Variants in DCTN4 observed in about 807,000 individuals in gnomAD.
DCTN4 encodes dynactin 4 (p62).
Under a neutral mutation model 62.7 loss-of-function variants are expected in DCTN4, and 23 were observed. The observed-to-expected ratio is 0.37, with a 90% confidence interval of 0.26 to 0.52. The LOEUF (loss-of-function observed/expected upper bound fraction) is 0.52. Ranked by LOEUF, DCTN4 falls within the 20% of genes least tolerant of loss-of-function variation. The probability of loss-of-function intolerance (pLI) is 0.92; values close to 1 mark genes in which losing one functional copy is unlikely to be tolerated. For synonymous variants in DCTN4, 199 were observed against 202.1 expected, an observed-to-expected ratio of 0.98 and a Z score of 0.13; for missense variants, 514 against 580.4, an observed-to-expected ratio of 0.89 and a Z score of 1.18.
At chr5:150,715,773 A>G (rs774935292) in intron 11 of DCTN4, 111 bp from the exon 12 acceptor site, 2 of 789,186 alleles carry the variant, frequency 2.5e-6, no homozygotes, top group Admixed American at 2.3e-5. Flanking sequence ...TTCAGGAAAC[A>G]TATACTACTT....
intron 2 of DCTN4, among the ~76,000 whole-genome samples, chr5:150,755,192 A>G (rs1561712994): frequency 1.3e-5 from 2 of 152,240 alleles, no homozygotes; most frequent in Admixed American, 6.5e-5. Context: ...AAAATATAAA[A>G]TGAATATTCA....
In DCTN4 at chr5:150,719,731, G is replaced by T; in HGVS notation, c.948C>A (p.Asn316Lys). Residue 316 changes from asparagine (N) to lysine (K), a missense_variant, in exon 10 of 13, where the codon AAC (asparagine) becomes AAA (lysine). Physicochemically the swap from Asn to Lys is moderately conservative, Grantham distance 94. Transcript: ENST00000447998. ...AGGTACTAACCTTCATGTAGCGAAGGTTGGGAATTGACATGATTCTCACTT... is the reference window on the plus strand; with the variant it reads ...AGGTACTAACCTTCATGTAGCGAAGTTTGGGAATTGACATGATTCTCACTT... ...IPEVRIMSIP[N>K]LRYMKESQVL... is the part of the protein sequence containing the mutation. 6.2e-7 allele frequency: 1 copy of T among 1,610,784 alleles called. No homozygotes were observed.
At position 150,756,332 on chromosome 5, in the gene DCTN4, C is replaced by T. The variant is rs867780977; in HGVS notation, c.206+85G>A. On this transcript the variant is annotated intron_variant, in intron 2 of 12. Transcript: ENST00000447998. ...GGGATTACAGGCGTGAGCCACCATG[C>T]CTGGCCCATGTGTCTTTTTAACTAG... is the stretch of plus-strand genomic sequence containing the variant. 2.3e-5 allele frequency: 22 copies of T among 959,712 alleles called. No individual in the cohort carries two copies. The Middle Eastern group carries it at 7.5e-4, about 33-fold the overall frequency. 59.4% of individuals were successfully genotyped at this position (959,712 alleles called of 1,614,324 possible).
intron 3 of DCTN4, among the ~76,000 whole-genome samples, chr5:150,751,273 T>A: frequency 6.6e-6 from 1 of 152,144 alleles, no homozygotes; most frequent in East Asian, 1.9e-4. Context: ...AATGAAATTA[T>A]CTGTACGCTT....
At chr5:150,718,141 A>C in intron 11 of DCTN4, 135 bp downstream of exon 11, 1 of 583,692 alleles carries the variant, frequency 1.7e-6, no homozygotes, top group Non-Finnish European at 3.0e-6. Flanking sequence ...AAAGTAAAAA[A>C]ATTTAGGAGG....
intron 3 of DCTN4, among the ~76,000 whole-genome samples, chr5:150,752,247 C>G (rs532111457): frequency 1.3e-5 from 2 of 152,076 alleles, no homozygotes; most frequent in African/African-American, 4.8e-5. Context: ...TGTTTCCACT[C>G]TATGATGTTA....
Position 150,737,532 on chromosome 5 carries a change from G to GAAATCAGGATGGAAATTTA in DCTN4, c.430-4076_430-4058dup, listed in dbSNP as rs1462843464. 6.7e-3 allele frequency among the ~76,000 whole-genome samples: 1,014 copies of GAAATCAGGATGGAAATTTA among 152,266 alleles called. 14 individuals are homozygous for GAAATCAGGATGGAAATTTA. Among genetic ancestry groups the GAAATCAGGATGGAAATTTA allele is most frequent in the African/African-American group, 0.023 (963 of 41,548 alleles). ...TCTGAATGATCACTGGGTCAACAAT[G>GAAATCAGGATGGAAATTTA]AAATCAGGATGGAAATTTAAAAACT... On this transcript the variant is annotated intron_variant, in intron 4 of 12. Coordinates refer to ENST00000447998, the MANE Select transcript of DCTN4 (RefSeq NM_016221.4).
At chr5:150,715,490 A>G in intron 12 of DCTN4, 75 bp downstream of exon 12, 1 of 1,148,284 alleles carries the variant, frequency 8.7e-7, no homozygotes, top group Non-Finnish European at 1.3e-6. Flanking sequence ...AAAAATCCAG[A>G]CAAGAAAACT....
intron 3 of DCTN4, among the ~76,000 whole-genome samples, chr5:150,742,464 G>A (rs1315047369): frequency 2.0e-5 from 3 of 152,182 alleles, no homozygotes; most frequent in Non-Finnish European, 4.4e-5. Context: ...TGAGGAAACT[G>A]AGGCTCAGAG....
chr5:150,739,125 G>A (rs560503477), intron 4 of DCTN4, among the ~76,000 whole-genome samples: 1 of 151,454 alleles, frequency 6.6e-6, no homozygotes, highest in South Asian at 2.1e-4. Context: ...AAGTTGCAGT[G>A]AGCTGAGTTT....
intron 1 of DCTN4, 52 bp from the exon 2 acceptor site, chr5:150,756,539 T>C: frequency 8.4e-7 from 1 of 1,185,512 alleles, no homozygotes. Context: ...TCAGTTTAAC[T>C]TGTGTATATG....
intron 3 of DCTN4, among the ~76,000 whole-genome samples, chr5:150,744,561 A>C (rs1760890620): frequency 6.6e-6 from 1 of 152,220 alleles, no homozygotes; most frequent in African/African-American, 2.4e-5. Context: ...TTACCCACAA[A>C]GGGAAGCCCA....
chr5:150,714,942 T>A (rs1424605141), intron 12 of DCTN4, among the ~76,000 whole-genome samples: 1 of 152,348 alleles, frequency 6.6e-6, no homozygotes, highest in Non-Finnish European at 1.5e-5. Flanking sequence ...TGAAATTTTA[T>A]GCCCATGAAG....
chr5:150,713,978 G>A (rs1446717814), intron 12 of DCTN4, among the ~76,000 whole-genome samples: 11 of 151,938 alleles, frequency 7.2e-5, no homozygotes, highest in South Asian at 2.1e-4. Flanking sequence ...TTGGCCAGGC[G>A]TGGTGGCGCT....
chr5:150,734,078 G>GCT (rs1760486245), intron 4 of DCTN4: 1 of 152,062 alleles, frequency 6.6e-6, no homozygotes, highest in Non-Finnish European at 1.5e-5. Context: ...TATAGTCCCA[G>GCT]CTACTCAAGA....
chr5:150,748,554 T>C (rs1443228900), intron 3 of DCTN4, among the ~76,000 whole-genome samples: 3 of 149,390 alleles, frequency 2.0e-5, no homozygotes, highest in Admixed American at 6.7e-5. Flanking sequence ...CCAACAATGA[T>C]AGACTGGATT....
At chr5:150,751,206 A>G (rs1273832637) in intron 3 of DCTN4, among the ~76,000 whole-genome samples, 1 of 152,136 alleles carries the variant, frequency 6.6e-6, no homozygotes, top group African/African-American at 2.4e-5. Flanking sequence ...AAATAAACAA[A>G]TAGTTCTAAC....
rs775815156 is a variant in DCTN4, at chr5:150,731,417, A to G, written c.610T>C (p.Ser204Pro). 8 of 1,613,598 alleles carry G rather than the reference A, an allele frequency of 5.0e-6. No homozygotes were observed. The highest frequency in any genetic ancestry group is 4.5e-5 in the East Asian group (2 of 44,898). Residue 204 changes from serine to proline, a missense_variant and splice_region_variant, in exon 6 of 13, where the codon TCC becomes CCC. Transcript: ENST00000447998. ...GASISTLAGL[S>P]LKEGEDQKEI... is the part of the protein sequence containing the mutation. ...AAGTCATTTCATGTCTAAACTTACGAAAGTCCGGCAAGGGTACTGATGGAT... is the reference window on the plus strand; with the variant it reads ...AAGTCATTTCATGTCTAAACTTACGGAAGTCCGGCAAGGGTACTGATGGAT...
rs375703495 is a variant in DCTN4, at chr5:150,758,898, A to G, written c.96T>C (p.Tyr32=). ...ATTCCAGCGACCGCAGTTCGCTACA[A>G]TAGCGGCAGAAGTAGAGTTGCGAGA... ...APLSQLYFCR[Y]CSELRSLECV... Residue 32 remains tyrosine (Y), a synonymous_variant, in exon 1 of 13, where the codon TAT becomes TAC. Coordinates refer to ENST00000447998, the MANE Select transcript of DCTN4 (RefSeq NM_016221.4). The G allele has an allele frequency of 1.6e-5, 26 of 1,613,946 alleles. No homozygotes were observed. The East Asian group carries it at 3.3e-4, about 21-fold the overall frequency.
Sources: gnomAD v4.1 joint callset for allele counts (sites outside exome capture counted in the v4.1 genomes callset) on GRCh38, gnomAD v4.1.1 for gene constraint, MANE v1.5 for transcripts, NCBI Gene and HGNC (gene_info 2026-07-23, HGNC 2026-07-21) for gene names.